The following DROSHA variants were observed in gnomAD, a reference collection of about 807,000 sequenced individuals.
DROSHA encodes the protein ribonuclease 3.
DROSHA carries 56 observed loss-of-function variants against 181.9 expected under a neutral mutation model. The ratio of observed to expected loss-of-function variants is 0.31; its 90% CI spans 0.25 to 0.38. The LOEUF (loss-of-function observed/expected upper bound fraction) is 0.38, where lower values mean the gene tolerates loss of function less well. Ranked by LOEUF, DROSHA falls within the 10% of genes least tolerant of loss-of-function variation. The probability of loss-of-function intolerance (pLI) is 1.00; values close to 1 mark genes in which losing one functional copy is unlikely to be tolerated. For synonymous variants in DROSHA, 524 were observed against 591.2 expected, an observed-to-expected ratio of 0.89 and a Z score of 1.65; for missense variants, 1,218 against 1,743.5, an observed-to-expected ratio of 0.70 and a Z score of 5.37.
At chr5:31,494,232 T>C (rs1344101448) in intron 12 of DROSHA, among the ~76,000 whole-genome samples, 2 of 152,076 alleles carry the variant, frequency 1.3e-5, no homozygotes, top group Non-Finnish European at 2.9e-5. Context: ...CCTCCCAAAG[T>C]GCTGGGATTA....
chr5:31,442,601 C>T (rs1745726614), intron 23 of DROSHA, among the ~76,000 whole-genome samples: 1 of 152,288 alleles, frequency 6.6e-6, no homozygotes, highest in African/African-American at 2.4e-5. Context: ...TAAAACACAA[C>T]CGTCTCCCTG....
At chr5:31,432,420 C>T (rs574836148) in intron 25 of DROSHA, among the ~76,000 whole-genome samples, 2 of 152,310 alleles carry the variant, frequency 1.3e-5, no homozygotes, top group South Asian at 2.1e-4. Context: ...GTGTGAGCCA[C>T]CACGCCTGGC....
chr5:31,452,116 T>C (rs958744775), intron 20 of DROSHA, among the ~76,000 whole-genome samples: 7 of 152,206 alleles, frequency 4.6e-5, no homozygotes, highest in Non-Finnish European at 1.0e-4. Flanking sequence ...TCCTTGTCTA[T>C]CTTTAATTAA....
chr5:31,493,184 G>A, intron 13 of DROSHA, 23 bp downstream of exon 13: 1 of 1,592,654 alleles, frequency 6.3e-7, no homozygotes, highest in Non-Finnish European at 8.5e-7. Flanking sequence ...AAAGAGAAAA[G>A]CAGCCAACTG....
intron 4 of DROSHA, 57 bp from the exon 5 acceptor site, chr5:31,526,969 T>C: frequency 6.8e-7 from 1 of 1,475,300 alleles, no homozygotes; most frequent in Non-Finnish European, 9.1e-7. Flanking sequence ...TCTTACTATG[T>C]AAACAGGGTT....
At position 31,514,643 on chromosome 5, in the gene DROSHA, T is replaced by C. The variant is rs1739078698; in HGVS notation, c.1290+345A>G. The stretch of plus-strand genomic sequence containing the variant: ...CTGGGTGACAGAGCGAGACCCTGTC[T>C]CAAAAATAAATAAATAAAAATGCAT... On this transcript the variant is annotated intron_variant, in intron 8 of 35. Transcript: ENST00000344624. This position sits in a 1 kb window ranked among gnomAD's most constrained non-coding sequence, Gnocchi z 4.4. Among the ~76,000 whole-genome samples the C allele has an allele frequency of 6.6e-6, 1 of 152,122 alleles. No homozygotes were observed. The highest frequency in any genetic ancestry group is 2.4e-5 in the African/African-American group (1 of 41,402).
At chr5:31,467,074 G>A (rs1051302354) in intron 18 of DROSHA, 3 of 148,824 alleles carry the variant, frequency 2.0e-5, no homozygotes, top group African/African-American at 5.0e-5. Flanking sequence ...GCCTTAGCTG[G>A]GCCTCTCCTT....
At chr5:31,490,182 CTTT>C (rs146698384) in intron 13 of DROSHA, among the ~76,000 whole-genome samples, 4 of 138,030 alleles carry the variant, frequency 2.9e-5, no homozygotes, top group Admixed American at 7.2e-5. Context: ...GGCCCTTTTC[CTTT>C]TTTTTTTTTT....
intron 35 of DROSHA, among the ~76,000 whole-genome samples, chr5:31,404,386 A>G (rs987148951): frequency 5.9e-5 from 9 of 152,150 alleles, no homozygotes; most frequent in African/African-American, 1.9e-4. Context: ...TGGATGCTGG[A>G]CCCTGGCAGC....
Position 31,465,128 on chromosome 5 carries a change from G to A in DROSHA, c.2467-785C>T, listed in dbSNP as rs10520981. Among the ~76,000 whole-genome samples, 3,292 of 152,212 alleles carry A rather than the reference G, an allele frequency of 0.022. 190 individuals carry two copies. The East Asian group carries it at 0.22, about 10-fold the overall frequency. On this transcript the variant is annotated intron_variant, in intron 19 of 35. Coordinates refer to ENST00000344624, the MANE Select transcript of DROSHA (RefSeq NM_001382508.1). Reference sequence around the variant, plus strand: ...ACCTTAGTTCCCTCCTTTATAAACAGGCTGATTGGCCTAAATCACAGTAAG... The same window carrying A: ...ACCTTAGTTCCCTCCTTTATAAACAAGCTGATTGGCCTAAATCACAGTAAG...
chr5:31,485,268 A>T (rs1293447119), intron 14 of DROSHA, among the ~76,000 whole-genome samples: 1 of 152,184 alleles, frequency 6.6e-6, no homozygotes, highest in Non-Finnish European at 1.5e-5. Flanking sequence ...CTGTGTCAGA[A>T]TCTTCTGAGG....
At chr5:31,484,493 C>CTGAGTGTG (rs1751501054) in intron 15 of DROSHA, among the ~76,000 whole-genome samples, 1 of 8,420 alleles carries the variant, frequency 1.2e-4, no homozygotes, top group Non-Finnish European at 4.0e-4. Context: ...CTCTAAGTGT[C>CTGAGTGTG]TGCGTGTGTG....
rs769869841 is a variant in DROSHA, at chr5:31,508,633, G to A, written c.1575C>T (p.Asn525=). The A allele has an allele frequency of 2.8e-5, 45 of 1,613,770 alleles. No individual in the cohort carries two copies. Among genetic ancestry groups the A allele is most frequent in the East Asian group, 8.9e-5 (4 of 44,874 alleles). The stretch of plus-strand genomic sequence containing the variant: ...TAAAAACACGCACCTGGCCTGGATC[G>A]TTGTACCAAAGTTCATCATGAAGTC... ...PDRLHDELWY[N]DPGQMNDGPL... is the part of the protein sequence containing the mutation. The change falls in exon 10 of 36, where the codon AAC becomes AAT. Residue 525 remains asparagine, a synonymous_variant. Transcript: ENST00000344624.
At position 31,451,660 on chromosome 5, in the gene DROSHA, A is replaced by G. The variant is rs377247472; in HGVS notation, c.2575-20T>C. 1.9e-5 allele frequency: 29 copies of G among 1,561,114 alleles called. No individual in the cohort carries two copies. The African/African-American group carries it at 3.7e-4, about 20-fold the overall frequency. ...TGCATGCTAGGAAAAAAAAAATTCA[A>G]TATGTTTAACTTTATAAAAACTTAT... On this transcript the variant is annotated intron_variant, in intron 20 of 35. Coordinates refer to ENST00000344624, the MANE Select transcript of DROSHA (RefSeq NM_001382508.1).
intron 16 of DROSHA, among the ~76,000 whole-genome samples, chr5:31,476,091 G>C (rs531091775): frequency 2.1e-4 from 32 of 152,208 alleles, no homozygotes; most frequent in Non-Finnish European, 4.0e-4. Flanking sequence ...TTGGCCGGGT[G>C]GGGTAGCTCA....
At position 31,409,394 on chromosome 5, in the gene DROSHA, G is replaced by C. The variant is rs986597554; in HGVS notation, c.3668-62C>G. ...CACTGCCATCTATCAGAAAGAGTAA[G>C]AGACCTAGACCTTTAAGCAAAATTT... On this transcript the variant is annotated intron_variant, in intron 31 of 35. Transcript: ENST00000344624. This position sits in a 1 kb window ranked among gnomAD's most constrained non-coding sequence, Gnocchi z 4.0. The C allele has an allele frequency of 1.1e-5, 17 of 1,517,488 alleles. No individual in the cohort carries two copies. The Admixed American group carries it at 3.3e-4, about 29-fold the overall frequency. 94.0% of individuals were successfully genotyped at this position (1,517,488 alleles called of 1,614,324 possible).
At chr5:31,429,900 T>C (rs1258085728) in intron 26 of DROSHA, among the ~76,000 whole-genome samples, 1 of 152,102 alleles carries the variant, frequency 6.6e-6, no homozygotes, top group Non-Finnish European at 1.5e-5. Flanking sequence ...TATGCATTTA[T>C]AGTATACGTT....
At chr5:31,439,562 G>A (rs556764821) in intron 23 of DROSHA, among the ~76,000 whole-genome samples, 1 of 152,172 alleles carries the variant, frequency 6.6e-6, no homozygotes. Context: ...TGTACAGACA[G>A]CATGTTGTTA....
intron 23 of DROSHA, among the ~76,000 whole-genome samples, chr5:31,439,024 A>G (rs1745222198): frequency 6.6e-6 from 1 of 152,204 alleles, no homozygotes; most frequent in South Asian, 2.1e-4. Context: ...CCACTAATTC[A>G]GTCCTGTGAA....
Sources: gnomAD v4.1 joint callset for allele counts (sites outside exome capture counted in the v4.1 genomes callset) on GRCh38, gnomAD v4.1.1 for gene constraint, Gnocchi (gnomAD v3.1) non-coding constraint, MANE v1.5 for transcripts, NCBI Gene and HGNC (gene_info 2026-07-23, HGNC 2026-07-21) for gene names.